The following EVI5 variants were observed in gnomAD, a reference collection of about 807,000 sequenced individuals.
EVI5 encodes the protein ecotropic viral integration site 5, also known as ecotropic viral integration site 5 protein homolog.
A neutral mutation model predicts 112.0 loss-of-function variants in EVI5; 73 were observed. The ratio of observed to expected loss-of-function variants is 0.65; its 90% CI spans 0.54 to 0.79. EVI5 has a LOEUF of 0.79. Ranked by LOEUF, EVI5 falls within the 30% of genes least tolerant of loss-of-function variation. EVI5 has a pLI of 0.00. For synonymous variants in EVI5, 305 were observed against 319.9 expected (o/e 0.95, Z 0.50); for missense variants, 900 against 968.8 (o/e 0.93, Z 0.94).
chr1:92,549,206 CA>C (rs1465209346), intron 19 of EVI5, among the ~76,000 whole-genome samples: 1 of 152,140 alleles, frequency 6.6e-6, no homozygotes, highest in Non-Finnish European at 1.5e-5. Flanking sequence ...TGTCTACAAC[CA>C]GCTGCTCTTT....
At chr1:92,567,891 T>C (rs1235228633) in intron 18 of EVI5, among the ~76,000 whole-genome samples, 1 of 152,028 alleles carries the variant, frequency 6.6e-6, no homozygotes, top group African/African-American at 2.4e-5. Flanking sequence ...TTAGGAAAAA[T>C]ATATATTATT....
rs150626186 is a variant in EVI5, at chr1:92,713,228, A to G, written c.150-8484T>C. 3.5e-4 allele frequency among the ~76,000 whole-genome samples: 53 copies of G among 152,096 alleles called. 1 individual carries two copies. In the Middle Eastern group the frequency reaches 0.017, roughly 49 times the overall value. On this transcript the variant is annotated intron_variant, in intron 2 of 19. Coordinates refer to ENST00000684568, the MANE Select transcript of EVI5 (RefSeq NM_001350197.2). ...CTAGTACATATTTTACTCTTACAGCATATCACAAGTCAAACCAGCCAGATT... is the reference window on the plus strand; with the variant it reads ...CTAGTACATATTTTACTCTTACAGCGTATCACAAGTCAAACCAGCCAGATT...
rs201511730 is a variant in EVI5, at chr1:92,513,697, G to A, written c.2440C>T (p.Arg814Trp). Reference sequence around the variant, plus strand: ...TACGACTCTCTTCTTCTCGGGGGCCGCTCCTTTTGAACCACTTGGTTGCTC... The same window carrying A: ...TACGACTCTCTTCTTCTCGGGGGCCACTCCTTTTGAACCACTTGGTTGCTC... ...RESNQVVQKE[R>W]PPRRRESYST... is the part of the protein sequence containing the mutation. The change falls in exon 20 of 20, where the codon CGG (arginine) becomes TGG (tryptophan). Residue 814 changes from arginine (R) to tryptophan (W), a missense_variant. Coordinates refer to ENST00000684568, the MANE Select transcript of EVI5 (RefSeq NM_001350197.2). 160 of 1,611,632 alleles carry A rather than the reference G, an allele frequency of 9.9e-5. No individual in the cohort carries two copies. The highest frequency in any genetic ancestry group is 5.8e-5 in the Non-Finnish European group (68 of 1,178,936).
chr1:92,694,537 T>C (rs1261042225), intron 7 of EVI5, 149 bp from the exon 8 acceptor site: 2 of 593,012 alleles, frequency 3.4e-6, no homozygotes, highest in Non-Finnish European at 6.0e-6. Flanking sequence ...GCAAGTATTT[T>C]AGGTTTGGTG....
chr1:92,650,668 A>G (rs1029114380), intron 13 of EVI5, among the ~76,000 whole-genome samples: 1 of 152,098 alleles, frequency 6.6e-6, no homozygotes, highest in East Asian at 1.9e-4. Flanking sequence ...CAAATTTTCT[A>G]TCTGATCCAC....
chr1:92,622,251 C>A, intron 16 of EVI5: 1 of 403,942 alleles, frequency 2.5e-6, no homozygotes, highest in Non-Finnish European at 4.9e-6. Context: ...ATAACTGTAC[C>A]TCAGTAGAAG....
chr1:92,669,559 A>AAAAAAAAAAAAAAAAAAAAAAAC (rs1665510373), intron 10 of EVI5, among the ~76,000 whole-genome samples: 1 of 150,422 alleles, frequency 6.6e-6, no homozygotes, highest in African/African-American at 2.4e-5. Flanking sequence ...AAAAAAAAAA[A>AAAAAAAAAAAAAAAAAAAAAAAC]AATCACTGGG....
At chr1:92,598,479 A>G (rs1171539568) in intron 18 of EVI5, among the ~76,000 whole-genome samples, 3 of 152,226 alleles carry the variant, frequency 2.0e-5, no homozygotes, top group African/African-American at 4.8e-5. Flanking sequence ...TAACTAGAAT[A>G]GGAATGTTAT....
intron 18 of EVI5, among the ~76,000 whole-genome samples, chr1:92,595,689 C>T (rs936084595): frequency 6.6e-5 from 10 of 151,984 alleles, no homozygotes; most frequent in Non-Finnish European, 1.0e-4. Context: ...CCTCAAGTAC[C>T]GGGTATATAT....
At chr1:92,653,248 A>G (rs1459948728) in intron 13 of EVI5, among the ~76,000 whole-genome samples, 1 of 152,210 alleles carries the variant, frequency 6.6e-6, no homozygotes, top group Non-Finnish European at 1.5e-5. Context: ...AGATTGTGGC[A>G]GCAGCAAAGG....
At chr1:92,682,582 C>T (rs761591702) in intron 9 of EVI5, among the ~76,000 whole-genome samples, 22 of 151,976 alleles carry the variant, frequency 1.4e-4, no homozygotes, top group Non-Finnish European at 2.2e-4. Flanking sequence ...GCCAACATAG[C>T]GAAACCCAGT....
At chr1:92,705,166 G>A (rs776402412) in intron 2 of EVI5, among the ~76,000 whole-genome samples, 55 of 152,082 alleles carry the variant, frequency 3.6e-4, no homozygotes, top group Non-Finnish European at 6.9e-4. Flanking sequence ...GTAAGGCAGA[G>A]CCCCCAAAAT....
At chr1:92,653,816 G>A (rs1314362543) in intron 13 of EVI5, among the ~76,000 whole-genome samples, 1 of 152,244 alleles carries the variant, frequency 6.6e-6, no homozygotes, top group Non-Finnish European at 1.5e-5. Context: ...AGCAAGCCAA[G>A]GGGCAGTCAT....
chr1:92,533,898 C>A (rs1299336333), intron 19 of EVI5, among the ~76,000 whole-genome samples: 1 of 152,180 alleles, frequency 6.6e-6, no homozygotes, highest in Non-Finnish European at 1.5e-5. Context: ...CTCACCACTC[C>A]TAGTCAACAT....
At chr1:92,782,745 T>C (rs1685028211) in intron 1 of EVI5, among the ~76,000 whole-genome samples, 1 of 152,216 alleles carries the variant, frequency 6.6e-6, no homozygotes, top group South Asian at 2.1e-4. Context: ...CCTACGTACA[T>C]ACTCCAATCT....
At chr1:92,519,010 CTAAG>C (rs1368967773) in intron 19 of EVI5, among the ~76,000 whole-genome samples, 1 of 152,050 alleles carries the variant, frequency 6.6e-6, no homozygotes, top group Non-Finnish European at 1.5e-5. Context: ...AAATGTGAGG[CTAAG>C]TAAGAGTTAA....
intron 1 of EVI5, among the ~76,000 whole-genome samples, chr1:92,779,789 C>T (rs765811025): frequency 6.6e-6 from 1 of 152,096 alleles, no homozygotes; most frequent in Non-Finnish European, 1.5e-5. Context: ...ATTTGGCTAA[C>T]TCACAGAATC....
At chr1:92,593,919 G>C (rs975831249) in intron 18 of EVI5, among the ~76,000 whole-genome samples, 3 of 152,184 alleles carry the variant, frequency 2.0e-5, no homozygotes, top group Non-Finnish European at 2.9e-5. Context: ...TGAAATAAAG[G>C]AGGACACAAA....
chr1:92,697,478 A>T (rs1200416985), intron 6 of EVI5, among the ~76,000 whole-genome samples: 1 of 152,202 alleles, frequency 6.6e-6, no homozygotes, highest in East Asian at 1.9e-4. Flanking sequence ...AAGGCAGAGG[A>T]GAGGACTCAA....
Sources: gnomAD v4.1 joint callset for allele counts (sites outside exome capture counted in the v4.1 genomes callset) on GRCh38, gnomAD v4.1.1 for gene constraint, MANE v1.5 for transcripts, NCBI Gene and HGNC (gene_info 2026-07-23, HGNC 2026-07-21) for gene names.